CCDC28A: variants seen among roughly 807,000 people sequenced by gnomAD.
CCDC28A encodes the protein coiled-coil domain containing 28A.
Under a neutral mutation model 22.1 loss-of-function variants are expected in CCDC28A, and 24 were observed. The ratio of observed to expected loss-of-function variants is 1.09; its 90% CI spans 0.79 to 1.53. CCDC28A has a LOEUF of 1.53. CCDC28A is among the 40% of genes most tolerant of loss of function. The probability of loss-of-function intolerance (pLI) is 0.00; values close to 1 mark genes in which losing one functional copy is unlikely to be tolerated. For missense variants in CCDC28A, 170 were observed against 210.7 expected (o/e 0.81, Z 1.20); for synonymous variants, 83 against 74.7 (o/e 1.11, Z -0.57).
chr6:138,774,361 A>G (rs1774893226), intron 1 of CCDC28A, among the ~76,000 whole-genome samples: 1 of 152,206 alleles, frequency 6.6e-6, no homozygotes, highest in South Asian at 2.1e-4. Flanking sequence ...TGCGTATCAT[A>G]CATTTTTACA....
chr6:138,784,040 G>A (rs1324604049), intron 3 of CCDC28A, among the ~76,000 whole-genome samples: 2 of 151,860 alleles, frequency 1.3e-5, no homozygotes, highest in African/African-American at 2.4e-5. Context: ...ACCACGCCTG[G>A]CTAATTGGCT....
At chr6:138,788,719 G>C (rs1775129955) in intron 5 of CCDC28A, among the ~76,000 whole-genome samples, 1 of 151,812 alleles carries the variant, frequency 6.6e-6, no homozygotes, top group East Asian at 1.9e-4. Context: ...TGGGATTACA[G>C]GCGTGAGACA....
chr6:138,776,656 CTTAAT>C (rs1774938331), intron 2 of CCDC28A, among the ~76,000 whole-genome samples: 1 of 151,182 alleles, frequency 6.6e-6, no homozygotes. Flanking sequence ...TGGTAGTTTT[CTTAAT>C]TTATTTTATT....
chr6:138,781,213 A>G (rs1251719409), intron 3 of CCDC28A, among the ~76,000 whole-genome samples: 1 of 152,222 alleles, frequency 6.6e-6, no homozygotes, highest in Non-Finnish European at 1.5e-5. Flanking sequence ...TCTGATGGAA[A>G]TCTCTCTAAT....
At chr6:138,781,034 G>T (rs1775013742) in intron 3 of CCDC28A, among the ~76,000 whole-genome samples, 1 of 151,738 alleles carries the variant, frequency 6.6e-6, no homozygotes, top group Non-Finnish European at 1.5e-5. Context: ...CAATGTTTTT[G>T]TTACTTAACT....
At chr6:138,777,769 T>C (rs1368786266) in intron 2 of CCDC28A, among the ~76,000 whole-genome samples, 1 of 152,246 alleles carries the variant, frequency 6.6e-6, no homozygotes, top group African/African-American at 2.4e-5. Flanking sequence ...GAGAGGGTTA[T>C]TAAATGATGA....
chr6:138,788,563 C>CTTTTCTTTTTTTTTTTTT (rs1775126667), intron 5 of CCDC28A, among the ~76,000 whole-genome samples, 175 bp downstream of exon 5: 3 of 91,742 alleles, frequency 3.3e-5, no homozygotes, highest in Non-Finnish European at 4.4e-5. Flanking sequence ...TCTCTTTTTT[C>CTTTTCTTTTTTTTTTTTT]TTTTCTTTTT....
chr6:138,791,476 A>G (rs1775168323), intron 5 of CCDC28A, among the ~76,000 whole-genome samples: 1 of 152,012 alleles, frequency 6.6e-6, no homozygotes, highest in Non-Finnish European at 1.5e-5. Context: ...TGCCATTTCT[A>G]TTTTTTACCA....
intron 3 of CCDC28A, among the ~76,000 whole-genome samples, chr6:138,784,914 G>A (rs895782513): frequency 6.6e-6 from 1 of 151,986 alleles, no homozygotes; most frequent in Non-Finnish European, 1.5e-5. Context: ...GGATGGTGTT[G>A]ATCTCCTGAC....
At chr6:138,787,692 A>C (rs1015284764) in intron 4 of CCDC28A, among the ~76,000 whole-genome samples, 1 of 151,750 alleles carries the variant, frequency 6.6e-6, no homozygotes, top group African/African-American at 2.4e-5. Flanking sequence ...TTCTGTCCTC[A>C]TATTCTTTTG....
chr6:138,787,670 A>G (rs1336849297), intron 4 of CCDC28A, among the ~76,000 whole-genome samples: 1 of 152,048 alleles, frequency 6.6e-6, no homozygotes, highest in Non-Finnish European at 1.5e-5. Context: ...CAGTTTTTAT[A>G]ATCTGGTTTC....
intron 4 of CCDC28A, among the ~76,000 whole-genome samples, chr6:138,785,585 C>A (rs3763186): frequency 0.28 from 42,235 of 152,026 alleles, 6,490 homozygotes; most frequent in African/African-American, 0.41. Flanking sequence ...CCCCTAGCAA[C>A]CCCTAATCTA....
rs1226870560 is a variant in CCDC28A at position 138,779,912 on chromosome 6, A to G, written c.249A>G (p.Ser83=). 6.2e-7 allele frequency: 1 copy of G among 1,613,828 alleles called. No homozygotes were observed. The highest frequency in any genetic ancestry group is 8.5e-7 in the Non-Finnish European group (1 of 1,179,710). Residue 83 remains serine, a synonymous_variant, in exon 3 of 6, where the codon TCA becomes TCG. Transcript: ENST00000617445. ...PIQHSFLTDV[S]DVQEMERGLL... ...AGCACTCCTTCCTCACTGATGTCTC[A>G]GATGTTCAGGAGATGGAGAGAGGGC...
rs1156793843 is a variant in CCDC28A at position 138,779,989 on chromosome 6, A to T, written c.322+4A>T. ...TCTGGAAAACTTCAAGCATTTGGTA[A>T]GCAATAGATGTTTCTGTATTATTTT... is the stretch of plus-strand genomic sequence containing the variant. On this transcript the variant is annotated splice_donor_region_variant and intron_variant, in intron 3 of 5. Coordinates refer to ENST00000617445, the MANE Select transcript of CCDC28A (RefSeq NM_015439.3). 3 of 1,606,596 alleles carry T rather than the reference A, an allele frequency of 1.9e-6. No individual in the cohort carries two copies. Among genetic ancestry groups the T allele is most frequent in the Non-Finnish European group, 1.7e-6 (2 of 1,176,092 alleles).
chr6:138,782,077 T>A (rs1775029927), intron 3 of CCDC28A, among the ~76,000 whole-genome samples: 1 of 152,172 alleles, frequency 6.6e-6, no homozygotes, highest in African/African-American at 2.4e-5. Flanking sequence ...CTCTCTTCCC[T>A]TCTTCCCTCC....
At chr6:138,792,691 A>T (rs1775189583) in intron 5 of CCDC28A, 58 bp from the exon 6 acceptor site, 1 of 1,074,846 alleles carries the variant, frequency 9.3e-7, no homozygotes, top group Non-Finnish European at 1.4e-6. Flanking sequence ...TGTAATTTTC[A>T]GAAATGTAAA....
intron 3 of CCDC28A, among the ~76,000 whole-genome samples, chr6:138,784,924 C>T (rs1220365957): frequency 6.6e-6 from 1 of 151,040 alleles, no homozygotes; most frequent in South Asian, 2.1e-4. Context: ...GATCTCCTGA[C>T]CTCATGATCC....
intron 1 of CCDC28A, among the ~76,000 whole-genome samples, chr6:138,775,688 G>C (rs924772495): frequency 1.3e-5 from 2 of 152,156 alleles, no homozygotes; most frequent in African/African-American, 4.8e-5. Flanking sequence ...AATCAGGCTG[G>C]GAATATTATG....
chr6:138,785,485 T>G (rs1326108908), intron 4 of CCDC28A, 104 bp downstream of exon 4: 2 of 804,008 alleles, frequency 2.5e-6, no homozygotes, highest in Non-Finnish European at 4.0e-6. Context: ...GTTGCTAGCG[T>G]ATTCACAGTG....
Sources: allele counts gnomAD v4.1 joint callset (sites outside exome capture counted in the v4.1 genomes callset), GRCh38; gene constraint gnomAD v4.1.1; transcripts MANE v1.5; gene names NCBI Gene and HGNC (gene_info 2026-07-23, HGNC 2026-07-21).